IGFBPL1: variants seen among roughly 807,000 people sequenced by gnomAD.
IGFBPL1 encodes insulin like growth factor binding protein like 1, also known as insulin-like growth factor-binding protein-like 1.
IGFBPL1 carries 20 observed loss-of-function variants against 23.9 expected under a neutral mutation model. The observed-to-expected ratio is 0.84, with a 90% CI of 0.59 to 1.22. IGFBPL1 has a LOEUF of 1.22. Among genes scored for constraint, IGFBPL1 ranks in the 50% most tolerant of loss-of-function variants. The pLI is 0.00. For synonymous variants in IGFBPL1, 184 were observed against 171.8 expected (o/e 1.07, Z -0.56); for missense variants, 436 against 379.3 (o/e 1.15, Z -1.24).
rs1180561094 is a variant in IGFBPL1 at position 38,424,154 on chromosome 9, A to C, written c.271T>G (p.Cys91Gly). 3.3e-6 allele frequency: 4 copies of C among 1,208,866 alleles called. No homozygotes were observed. The highest frequency in any genetic ancestry group is 4.1e-6 in the Non-Finnish European group (4 of 973,646). The allele number at this position is 1,208,866 out of a possible 1,614,324, so 74.9% of individuals were successfully genotyped here. The change falls in exon 1 of 5, where the codon TGC (cysteine) becomes GGC (glycine). Residue 91 changes from cysteine to glycine, a missense_variant. Physicochemically the swap from Cys to Gly is radical, Grantham distance 159. Transcript: ENST00000377694. ...AGGRCGPGLVCASQAAGAAPE... is the reference protein window; with the variant it reads ...AGGRCGPGLVGASQAAGAAPE... The stretch of plus-strand genomic sequence containing the variant: ...GCTGCCCCAGCGGCCTGGCTCGCGC[A>C]TACCAGGCCGGGGCCACAGCGCCCG...
At chr9:38,415,840 G>C (rs1821593477) in intron 1 of IGFBPL1, among the ~76,000 whole-genome samples, 1 of 152,136 alleles carries the variant, frequency 6.6e-6, no homozygotes, top group Admixed American at 6.5e-5. Context: ...CCACCAGTGA[G>C]TTGAATACAG....
intron 1 of IGFBPL1, among the ~76,000 whole-genome samples, chr9:38,415,607 T>C (rs1194566963): frequency 6.6e-6 from 1 of 152,234 alleles, no homozygotes; most frequent in East Asian, 1.9e-4. Flanking sequence ...ATCCTGATTC[T>C]CTGTGATTCT....
At position 38,413,336 on chromosome 9, in the gene IGFBPL1, C is replaced by T; in HGVS notation, c.588G>A (p.Glu196=). The T allele has an allele frequency of 6.2e-7, 1 of 1,613,248 alleles. No homozygotes were observed. Among genetic ancestry groups the T allele is most frequent in the Non-Finnish European group, 8.5e-7 (1 of 1,179,368 alleles). Reference sequence around the variant, plus strand: ...GCAGCTCCTCCAGTGCTTGGGTGCCCTCAGGGGACTTCGTGACCTACAGGG... The same window carrying T: ...GCAGCTCCTCCAGTGCTTGGGTGCCTTCAGGGGACTTCGTGACCTACAGGG... The part of the protein sequence containing the change: ...ITWRKVTKSP[E]GTQALEELPG... Residue 196 remains glutamate (E), a synonymous_variant, in exon 3 of 5, where the codon GAG becomes GAA. Transcript: ENST00000377694.
chr9:38,418,204 G>T (rs1821627057), intron 1 of IGFBPL1, among the ~76,000 whole-genome samples: 1 of 152,240 alleles, frequency 6.6e-6, no homozygotes, highest in South Asian at 2.1e-4. Context: ...TGGCACTGGA[G>T]TGCTCAACGT....
intron 4 of IGFBPL1, 64 bp downstream of exon 4, chr9:38,411,327 A>T: frequency 7.0e-7 from 1 of 1,419,864 alleles, no homozygotes; most frequent in Non-Finnish European, 9.6e-7. Flanking sequence ...TACAGGTCTT[A>T]TAAGCCACCT....
chr9:38,414,494 T>A (rs12683836), intron 1 of IGFBPL1, among the ~76,000 whole-genome samples: 1 of 152,216 alleles, frequency 6.6e-6, no homozygotes, highest in East Asian at 1.9e-4. Flanking sequence ...GCCTCAGTGC[T>A]CCCTCCCAGG....
intron 2 of IGFBPL1, 95 bp downstream of exon 2, chr9:38,413,999 A>T: frequency 2.5e-6 from 2 of 808,608 alleles, no homozygotes; most frequent in African/African-American, 3.5e-5. Flanking sequence ...AAAGAAAAAC[A>T]TTTTTACCAC....
Position 38,424,152 on chromosome 9 carries a change from G to A in IGFBPL1, c.273C>T (p.Cys91=). Reference sequence around the variant, plus strand: ...GCGCTGCCCCAGCGGCCTGGCTCGCGCATACCAGGCCGGGGCCACAGCGCC... The same window carrying A: ...GCGCTGCCCCAGCGGCCTGGCTCGCACATACCAGGCCGGGGCCACAGCGCC... ...AGGRCGPGLV[C]ASQAAGAAPE... is the part of the protein sequence containing the mutation. The change falls in exon 1 of 5, where the codon TGC becomes TGT. Residue 91 remains cysteine, a synonymous_variant. Transcript: ENST00000377694. 2 of 1,214,474 alleles carry A rather than the reference G, an allele frequency of 1.6e-6. No individual in the cohort carries two copies. Among genetic ancestry groups the A allele is most frequent in the South Asian group, 3.4e-5 (1 of 29,044 alleles). 75.2% of individuals were successfully genotyped at this position (1,214,474 alleles called of 1,614,324 possible).
Position 38,424,219 on chromosome 9 carries a change from CAG to C in IGFBPL1, c.204_205del (p.Cys69ProfsTer108). On this transcript the variant is annotated frameshift_variant, in exon 1 of 5. Transcript: ENST00000377694. LOFTEE classifies it high-confidence loss of function. Reference sequence around the variant, plus strand: ...GCAGCTCGCGCCCTCGGCTCCCAGGCAGCGGGCGCAGCAGCCGCACTCGTCGA... The same window carrying C: ...GCAGCTCGCGCCCTCGGCTCCCAGGCCGGGCGCAGCAGCCGCACTCGTCGA... The C allele has an allele frequency of 8.4e-7, 1 of 1,186,504 alleles. No individual in the cohort carries two copies. The highest frequency in any genetic ancestry group is 1.0e-6 in the Non-Finnish European group (1 of 960,250). The allele number at this position is 1,186,504 out of a possible 1,614,324, so 73.5% of individuals were successfully genotyped here.
chr9:38,417,669 T>C (rs530042093), intron 1 of IGFBPL1, among the ~76,000 whole-genome samples: 3 of 152,140 alleles, frequency 2.0e-5, no homozygotes, highest in South Asian at 4.1e-4. Flanking sequence ...GATTTTCCCA[T>C]CTGGCAAAAT....
chr9:38,413,354 C>T lies in IGFBPL1; in HGVS notation c.571-1G>A, dbSNP rs1222349909. 1 of 1,597,780 alleles carries T rather than the reference C, an allele frequency of 6.3e-7. No individual in the cohort carries two copies. Among genetic ancestry groups the T allele is most frequent in the Admixed American group, 1.7e-5 (1 of 59,688 alleles). On this transcript the variant is annotated splice_acceptor_variant, in intron 2 of 4. Transcript: ENST00000377694. LOFTEE classifies it high-confidence loss of function. ...GGGTGCCCTCAGGGGACTTCGTGAC[C>T]TACAGGGGACAGGAATGCCAGGAGG... is the stretch of plus-strand genomic sequence containing the variant.
chr9:38,411,758 G>A (rs565912569), intron 3 of IGFBPL1, among the ~76,000 whole-genome samples: 19 of 152,170 alleles, frequency 1.2e-4, no homozygotes, highest in African/African-American at 4.1e-4. Flanking sequence ...CCCTATTGTG[G>A]CTCTCATCTG....
intron 1 of IGFBPL1, 87 bp from the exon 2 acceptor site, chr9:38,414,290 G>C: frequency 1.4e-6 from 1 of 730,080 alleles, no homozygotes; most frequent in East Asian, 2.6e-5. Context: ...CGGAGAGCCC[G>C]CTGTGATGTC....
chr9:38,423,656 C>G (rs2118332162), intron 1 of IGFBPL1, among the ~76,000 whole-genome samples: 1 of 152,298 alleles, frequency 6.6e-6, no homozygotes, highest in Non-Finnish European at 1.5e-5. Flanking sequence ...GGATCCCCCT[C>G]CTTAACTCCC....
chr9:38,413,101 C>A, intron 3 of IGFBPL1, 136 bp downstream of exon 3: 1 of 649,862 alleles, frequency 1.5e-6, no homozygotes, highest in Non-Finnish European at 2.7e-6. Flanking sequence ...GAAACCTGCC[C>A]TGCCTGCCTC....
chr9:38,417,766 T>C (rs906139170), intron 1 of IGFBPL1, among the ~76,000 whole-genome samples: 2 of 152,188 alleles, frequency 1.3e-5, no homozygotes, highest in Non-Finnish European at 2.9e-5. Context: ...TGAAATGCTG[T>C]CTACCAGAGA....
intron 1 of IGFBPL1, among the ~76,000 whole-genome samples, chr9:38,419,864 CCT>C (rs1190129984): frequency 1.7e-5 from 1 of 59,562 alleles, no homozygotes; most frequent in African/African-American, 8.7e-5. Context: ...TCCTCCTCCC[CCT>C]CCTCCTCCTC....
chr9:38,412,015 C>T (rs1821520158), intron 3 of IGFBPL1, among the ~76,000 whole-genome samples: 1 of 152,190 alleles, frequency 6.6e-6, no homozygotes, highest in Admixed American at 6.5e-5. Context: ...AAAAACCGCA[C>T]AGCCAATTGC....
Position 38,414,179 on chromosome 9 carries a change from C to T in IGFBPL1, c.485G>A (p.Arg162Gln), listed in dbSNP as rs752454478. The change falls in exon 2 of 5, where the codon CGA becomes CAA. Residue 162 changes from arginine to glutamine, a missense_variant. Physicochemically the swap from Arg to Gln is conservative, Grantham distance 43 (BLOSUM62 1). Coordinates refer to ENST00000377694, the MANE Select transcript of IGFBPL1 (RefSeq NM_001007563.3). ...CGCCCCGGTGACGTTGTGAACACTT[C>T]GGGGAGGAACGACGACCACAGGAGC... is the stretch of plus-strand genomic sequence containing the variant. ...EFAPVVVVPP[R>Q]SVHNVTGAQV... is the part of the protein sequence containing the mutation. The T allele has an allele frequency of 2.7e-5, 43 of 1,607,058 alleles. No homozygotes were observed. Among genetic ancestry groups the T allele is most frequent in the South Asian group, 5.6e-5 (5 of 89,550 alleles).
Sources: allele counts gnomAD v4.1 joint callset (sites outside exome capture counted in the v4.1 genomes callset), GRCh38; gene constraint gnomAD v4.1.1; transcripts MANE v1.5; gene names NCBI Gene and HGNC (gene_info 2026-07-23, HGNC 2026-07-21).